PPP2R2B: variants seen among roughly 807,000 people sequenced by gnomAD.
The protein encoded by PPP2R2B is serine/threonine-protein phosphatase 2A 55 kDa regulatory subunit B beta isoform.
In PPP2R2B, 5 loss-of-function variants were observed where a neutral mutation model predicts 46.0. That is an observed-to-expected ratio of 0.11 (90% confidence interval 0.06 to 0.23). PPP2R2B has a LOEUF of 0.23. Ranked by LOEUF, PPP2R2B falls within the 10% of genes least tolerant of loss-of-function variation. PPP2R2B has a pLI of 1.00. For missense variants in PPP2R2B, 367 were observed against 575.0 expected (o/e 0.64, Z 3.70); for synonymous variants, 215 against 206.7 (o/e 1.04, Z -0.34).
intron 1 of PPP2R2B, among the ~76,000 whole-genome samples, chr5:147,000,207 TA>T (rs1754106067): frequency 6.6e-6 from 1 of 152,218 alleles, no homozygotes; most frequent in Non-Finnish European, 1.5e-5. Context: ...GGCATTAAGA[TA>T]TTGTTTATCA....
upstream of PPP2R2B, among the ~76,000 whole-genome samples, chr5:146,880,523 T>C (rs1762132571): frequency 1.3e-5 from 2 of 152,108 alleles, no homozygotes; most frequent in African/African-American, 4.8e-5. Flanking sequence ...TAAGTTCATC[T>C]CTTAGTGAAT....
At chr5:146,754,331 T>C (rs1273950712) in intron 2 of PPP2R2B, among the ~76,000 whole-genome samples, 3 of 152,122 alleles carry the variant, frequency 2.0e-5, no homozygotes. Flanking sequence ...TCTCGAGGTG[T>C]ACTCATCAGG....
At chr5:146,879,191 C>T (rs1197908075), upstream of PPP2R2B, 2 of 153,526 alleles carry the variant, frequency 1.3e-5, no homozygotes, top group African/African-American at 2.4e-5. Context: ...GGGCTCGAAG[C>T]TTCAGAAAAA....
At chr5:147,055,722 G>A in exon 1 of PPP2R2B, 1 of 1,613,176 alleles carries the variant, frequency 6.2e-7, no homozygotes, top group Non-Finnish European at 8.5e-7. Context: ...ATGTAAGGCA[G>A]GTAACGAGAG....
At chr5:147,064,115 T>C (rs538807810) in intron 2 of PPP2R2B, among the ~76,000 whole-genome samples, 1 of 152,290 alleles carries the variant, frequency 6.6e-6, no homozygotes, top group South Asian at 2.1e-4. Context: ...CTGCAGAGTA[T>C]TGTATTTTCT....
chr5:146,830,432 C>T (rs1413964791), intron 2 of PPP2R2B, among the ~76,000 whole-genome samples: 1 of 152,022 alleles, frequency 6.6e-6, no homozygotes, highest in Non-Finnish European at 1.5e-5. Context: ...CCAACAGTAC[C>T]CGAACCTTAA....
chr5:147,025,435 C>T lies in PPP2R2B; in HGVS notation c.79+30230G>A, dbSNP rs183704618. ...TTATAGGAGGCAAGCATTACCCCAA[C>T]GCTAAAGTCACGCGAAGACATTACA... On this transcript the variant is annotated intron_variant, in intron 1 of 8. Coordinates refer to the PPP2R2B transcript ENST00000336640. Among the ~76,000 whole-genome samples, 17 of 151,702 alleles carry T rather than the reference C, an allele frequency of 1.1e-4. No individual in the cohort carries two copies. The East Asian group carries it at 1.9e-3, about 17-fold the overall frequency.
At chr5:146,928,248 C>A (rs1048754528) in intron 1 of PPP2R2B, among the ~76,000 whole-genome samples, 3 of 151,918 alleles carry the variant, frequency 2.0e-5, no homozygotes, top group Non-Finnish European at 2.9e-5. Context: ...AAATCCCATC[C>A]ATTTATTGGC....
chr5:146,762,201 A>G (rs1754209589), intron 2 of PPP2R2B, among the ~76,000 whole-genome samples: 1 of 152,222 alleles, frequency 6.6e-6, no homozygotes, highest in South Asian at 2.1e-4. Context: ...GGCTAAAACA[A>G]AAGAACAGTT....
intron 1 of PPP2R2B, among the ~76,000 whole-genome samples, chr5:146,984,695 T>C (rs1373628634): frequency 6.6e-6 from 1 of 152,198 alleles, no homozygotes; most frequent in Non-Finnish European, 1.5e-5. Context: ...ACCAGCAGTG[T>C]ACAAGGGTTC....
chr5:146,761,931 T>G (rs1458565514), intron 2 of PPP2R2B, among the ~76,000 whole-genome samples: 1 of 152,170 alleles, frequency 6.6e-6, no homozygotes, highest in African/African-American at 2.4e-5. Context: ...TTGAGCTCTC[T>G]GCAGAGTGTA....
At chr5:146,593,256 T>C (rs899047713) in intron 8 of PPP2R2B, among the ~76,000 whole-genome samples, 194 bp from the exon 9 acceptor site, 5 of 152,236 alleles carry the variant, frequency 3.3e-5, no homozygotes, top group Non-Finnish European at 5.9e-5. Flanking sequence ...GCTTCTCATG[T>C]AGATGATATG....
chr5:146,664,057 G>C (rs1406661105), intron 5 of PPP2R2B, among the ~76,000 whole-genome samples: 1 of 151,966 alleles, frequency 6.6e-6, no homozygotes, highest in Non-Finnish European at 1.5e-5. Flanking sequence ...GGCCAGGCTG[G>C]TCTTGAACTC....
chr5:146,828,331 A>G (rs1186816434), intron 2 of PPP2R2B, among the ~76,000 whole-genome samples: 1 of 152,164 alleles, frequency 6.6e-6, no homozygotes, highest in Non-Finnish European at 1.5e-5. Context: ...TCCATTTAAC[A>G]TCATAAAAGA....
chr5:146,999,177 C>T (rs1400296137), intron 1 of PPP2R2B, among the ~76,000 whole-genome samples: 2 of 152,094 alleles, frequency 1.3e-5, no homozygotes, highest in East Asian at 3.9e-4. Flanking sequence ...CTGCTATGGA[C>T]TCAGTGATAA....
chr5:147,049,116 G>GTGTGTGTT (rs151285907), intron 1 of PPP2R2B, among the ~76,000 whole-genome samples: 61,585 of 151,008 alleles, frequency 0.41, 14,875 homozygotes, highest in Middle Eastern at 0.58. Flanking sequence ...GTGTGTGTGT[G>GTGTGTGTT]TGTGTGTGAG....
intron 1 of PPP2R2B, among the ~76,000 whole-genome samples, chr5:146,898,973 C>A (rs1270467473): frequency 1.4e-5 from 2 of 147,618 alleles, no homozygotes; most frequent in Admixed American, 6.8e-5. Flanking sequence ...AGTCAGGAAA[C>A]AACAGGTGCT....
At chr5:146,730,873 T>C (rs2151205595) in intron 2 of PPP2R2B, among the ~76,000 whole-genome samples, 1 of 152,186 alleles carries the variant, frequency 6.6e-6, no homozygotes, top group South Asian at 2.1e-4. Context: ...AGAGAGGTGA[T>C]CAGGGAAGCC....
chr5:146,815,315 C>T (rs778727984), intron 2 of PPP2R2B, among the ~76,000 whole-genome samples: 20 of 152,250 alleles, frequency 1.3e-4, no homozygotes, highest in Admixed American at 9.8e-4. Flanking sequence ...CCCGGATTTC[C>T]TCTTCCAATG....
Sources: gnomAD v4.1 joint callset for allele counts (sites outside exome capture counted in the v4.1 genomes callset) on GRCh38, gnomAD v4.1.1 for gene constraint, MANE v1.5 for transcripts, NCBI Gene and HGNC (gene_info 2026-07-23, HGNC 2026-07-21) for gene names.